Variants in FOXP1 observed in about 807,000 individuals in gnomAD.
FOXP1 encodes forkhead box protein P1.
A neutral mutation model predicts 98.2 loss-of-function variants in FOXP1; 15 were observed. The ratio of observed to expected loss-of-function variants is 0.15; its 90% CI spans 0.10 to 0.24. The LOEUF is 0.24. Ranked by LOEUF, FOXP1 falls within the 10% of genes least tolerant of loss-of-function variation. The pLI, the probability that FOXP1 is intolerant of heterozygous loss-of-function variation, is 1.00. For missense variants in FOXP1, 633 were observed against 848.5 expected (o/e 0.75, Z 3.15); for synonymous variants, 371 against 314.5 (o/e 1.18, Z -1.90).
intron 2 of FOXP1, chr3:71,581,310 C>A (rs1354189666): frequency 1.0e-6 from 1 of 985,230 alleles, no homozygotes; most frequent in Non-Finnish European, 1.2e-6. Flanking sequence ...ACACTCCACG[C>A]TAAACTTTGA....
In FOXP1 at chr3:71,199,665, A is replaced by AG. The variant is rs2063532492; in HGVS notation, c.-11-1274dup. Among the ~76,000 whole-genome samples, 6 of 151,682 alleles carry AG rather than the reference A, an allele frequency of 4.0e-5. No individual in the cohort carries two copies. The South Asian group carries it at 1.2e-3, about 32-fold the overall frequency. On this transcript the variant is annotated intron_variant, in intron 5 of 20. Transcript: ENST00000649528. Reference sequence around the variant, plus strand: ...TGAGGCATGAGAATTGCTTGAACCTAGGGGGTGGAGGTTGCAGTGAGCCAA... The same window carrying AG: ...TGAGGCATGAGAATTGCTTGAACCTAGGGGGGTGGAGGTTGCAGTGAGCCAA...
intron 11 of FOXP1, among the ~76,000 whole-genome samples, chr3:71,016,251 T>C (rs1445721405): frequency 6.6e-6 from 1 of 152,098 alleles, no homozygotes; most frequent in Non-Finnish European, 1.5e-5. Context: ...TTCCTAAAAT[T>C]CCTAACACCA....
chr3:70,969,773 C>G (rs552493131), intron 19 of FOXP1: 1 of 152,186 alleles, frequency 6.6e-6, no homozygotes, highest in Non-Finnish European at 1.5e-5. Context: ...AGGGGTGATA[C>G]AGCCCCCATT....
At chr3:71,018,248 T>C (rs2107765048) in intron 11 of FOXP1, among the ~76,000 whole-genome samples, 1 of 152,298 alleles carries the variant, frequency 6.6e-6, no homozygotes, top group East Asian at 1.9e-4. Flanking sequence ...TTAGTTCAAC[T>C]TGTTATCCCT....
intron 5 of FOXP1, among the ~76,000 whole-genome samples, chr3:71,266,907 C>A (rs2107247987): frequency 6.6e-6 from 1 of 152,284 alleles, no homozygotes; most frequent in Non-Finnish European, 1.5e-5. Flanking sequence ...TGATTTCATT[C>A]TTTTTATGGC....
intron 5 of FOXP1, among the ~76,000 whole-genome samples, chr3:71,273,003 A>G (rs1033456683): frequency 3.3e-5 from 5 of 152,164 alleles, no homozygotes; most frequent in Non-Finnish European, 7.3e-5. Flanking sequence ...ACTTCTCACT[A>G]TACATGAATT....
intron 3 of FOXP1, among the ~76,000 whole-genome samples, chr3:71,461,305 G>T (rs1024860403): frequency 6.6e-6 from 1 of 152,162 alleles, no homozygotes; most frequent in Non-Finnish European, 1.5e-5. Context: ...CTCATTCCGT[G>T]TAAAAAGTCA....
intron 14 of FOXP1, among the ~76,000 whole-genome samples, chr3:70,982,732 A>G (rs899134355): frequency 6.6e-5 from 10 of 151,416 alleles, no homozygotes; most frequent in Non-Finnish European, 8.8e-5. Context: ...TTTAGTTTTT[A>G]ACAGTAATCT....
intron 3 of FOXP1, among the ~76,000 whole-genome samples, chr3:71,409,553 G>T (rs1388972526): frequency 2.3e-5 from 3 of 133,310 alleles, no homozygotes. Flanking sequence ...TATCTTTTCG[G>T]AATGAAGAAT....
chr3:71,113,678 G>C (rs2058118987), intron 6 of FOXP1, among the ~76,000 whole-genome samples: 1 of 113,578 alleles, frequency 8.8e-6, no homozygotes, highest in Non-Finnish European at 1.8e-5. Flanking sequence ...GCACCACTGT[G>C]CTTCAGCCTG....
At chr3:71,083,571 T>G (rs1460571940) in intron 7 of FOXP1, among the ~76,000 whole-genome samples, 2 of 152,202 alleles carry the variant, frequency 1.3e-5, no homozygotes, top group Non-Finnish European at 2.9e-5. Flanking sequence ...CTGGAATTAC[T>G]GAGCAAGAGA....
At chr3:71,302,026 A>C (rs2073886889) in intron 4 of FOXP1, among the ~76,000 whole-genome samples, 2 of 152,238 alleles carry the variant, frequency 1.3e-5, no homozygotes, top group South Asian at 2.1e-4. Flanking sequence ...ATACATAAAA[A>C]ATGGGCAGTG....
At chr3:71,308,172 C>T (rs1183796249) in intron 4 of FOXP1, among the ~76,000 whole-genome samples, 1 of 152,066 alleles carries the variant, frequency 6.6e-6, no homozygotes, top group Non-Finnish European at 1.5e-5. Flanking sequence ...GGCGTAGTTG[C>T]AGTGAGACCT....
intron 5 of FOXP1, among the ~76,000 whole-genome samples, chr3:71,296,875 C>T (rs1027011440): frequency 1.3e-5 from 2 of 152,198 alleles, no homozygotes; most frequent in African/African-American, 4.8e-5. Flanking sequence ...CTCCCCTTCC[C>T]TCCAAGCTTC....
At chr3:71,395,363 C>CT (rs753275365) in intron 3 of FOXP1, among the ~76,000 whole-genome samples, 5 of 148,070 alleles carry the variant, frequency 3.4e-5, no homozygotes, top group Non-Finnish European at 7.4e-5. Flanking sequence ...TCTTGTATGC[C>CT]TTTTTTCTGT....
chr3:71,130,034 C>T (rs952749977), intron 6 of FOXP1, among the ~76,000 whole-genome samples: 5 of 152,142 alleles, frequency 3.3e-5, no homozygotes, highest in Admixed American at 2.0e-4. Flanking sequence ...TTACCAAGAC[C>T]GATTCACAAA....
chr3:71,140,306 G>C (rs192909091), intron 6 of FOXP1, among the ~76,000 whole-genome samples: 1 of 152,194 alleles, frequency 6.6e-6, no homozygotes, highest in Admixed American at 6.5e-5. Context: ...ATAATTTGGG[G>C]CAAGAAACAA....
chr3:71,506,269 G>T (rs752802532), intron 2 of FOXP1, among the ~76,000 whole-genome samples: 1 of 152,100 alleles, frequency 6.6e-6, no homozygotes, highest in Admixed American at 6.5e-5. Flanking sequence ...AAGTTTTCTG[G>T]GCCTCTGTTT....
chr3:71,009,761 T>C (rs1188171031), intron 12 of FOXP1, among the ~76,000 whole-genome samples: 5 of 152,100 alleles, frequency 3.3e-5, no homozygotes, highest in African/African-American at 1.2e-4. Context: ...ATTTATTTAA[T>C]TTTTAGAGAC....
Sources: gnomAD v4.1 joint callset for allele counts (sites outside exome capture counted in the v4.1 genomes callset) on GRCh38, gnomAD v4.1.1 for gene constraint, MANE v1.5 for transcripts, NCBI Gene and HGNC (gene_info 2026-07-23, HGNC 2026-07-21) for gene names.